Variants in ZSCAN1 observed in about 807,000 individuals in gnomAD.
The protein encoded by ZSCAN1 is zinc finger and SCAN domain containing 1.
ZSCAN1 carries 23 observed loss-of-function variants against 23.8 expected under a neutral mutation model. That is an observed-to-expected ratio of 0.97 (90% CI 0.70 to 1.37). ZSCAN1 has a LOEUF of 1.37. Ranked by LOEUF, ZSCAN1 falls within the 40% of genes most tolerant of loss-of-function variation. ZSCAN1 has a pLI of 0.00. For missense variants in ZSCAN1, 575 were observed against 554.0 expected, an observed-to-expected ratio of 1.04 and a Z score of -0.38; for synonymous variants, 236 against 232.3, an observed-to-expected ratio of 1.02 and a Z score of -0.15.
chr19:58,034,403 G>A (rs987723781), intron 1 of ZSCAN1, among the ~76,000 whole-genome samples: 6 of 151,644 alleles, frequency 4.0e-5, no homozygotes, highest in African/African-American at 1.5e-4. Flanking sequence ...CACGCGGGGC[G>A]GGGACTGGGG....
At position 58,040,559 on chromosome 19, in the gene ZSCAN1, C is replaced by A. The variant is rs758331839; in HGVS notation, c.465+15C>A. 48 of 1,612,346 alleles carry A rather than the reference C, an allele frequency of 3.0e-5. No individual in the cohort carries two copies. The highest frequency in any genetic ancestry group is 3.4e-5 in the Non-Finnish European group (40 of 1,179,430). ...AACCATCGCAGGTGAGCCCGGGGCC[C>A]CCAGCTCCGTGCTCCTGCACCCCAG... On this transcript the variant is annotated intron_variant, in intron 4 of 5. Coordinates refer to ENST00000282326, the MANE Select transcript of ZSCAN1 (RefSeq NM_182572.4). This position sits in a 1 kb window ranked among gnomAD's most constrained non-coding sequence, Gnocchi z 5.8.
In ZSCAN1 at chr19:58,038,442, A is replaced by G. The variant is rs114134792; in HGVS notation, c.370+236A>G. 2,318 of 616,560 alleles carry G rather than the reference A, an allele frequency of 3.8e-3. 35 individuals are homozygous for G. In the African/African-American group the frequency reaches 0.039, roughly 10 times the overall value. The allele number at this position is 616,560 out of a possible 1,614,324, so 38.2% of individuals were successfully genotyped here. On this transcript the variant is annotated intron_variant, in intron 3 of 5. Coordinates refer to ENST00000282326, the MANE Select transcript of ZSCAN1 (RefSeq NM_182572.4). ...GTGATTAAAGATCCCTCCATTTCCC[A>G]TGCGTCCATCTGTCCTGTGGCTTTG...
At position 58,040,914 on chromosome 19, in the gene ZSCAN1, CG is replaced by C. The variant is rs1176935526; in HGVS notation, c.465+373del. Among the ~76,000 whole-genome samples the C allele has an allele frequency of 2.0e-5, 3 of 152,152 alleles. No individual in the cohort carries two copies. The East Asian group carries it at 5.8e-4, about 29-fold the overall frequency. On this transcript the variant is annotated intron_variant, in intron 4 of 5. Transcript: ENST00000282326. The surrounding 1 kb of genome is among the most constrained non-coding windows in gnomAD (Gnocchi z 5.8). ...CCCTCAGTGAACCCAGGATTCTGGG[CG>C]GGCCCAGAAGGAAATGCTGAGGGCT...
intron 4 of ZSCAN1, among the ~76,000 whole-genome samples, chr19:58,041,545 TC>T (rs1436031186): frequency 6.6e-6 from 1 of 152,202 alleles, no homozygotes; most frequent in Admixed American, 6.5e-5. Context: ...CATGTGTGTC[TC>T]CCACTGGCTT....
At chr19:58,050,054 A>G (rs1430442315) in intron 4 of ZSCAN1, among the ~76,000 whole-genome samples, 1 of 140,402 alleles carries the variant, frequency 7.1e-6, no homozygotes, top group Non-Finnish European at 1.6e-5. Context: ...GGTATCTCCT[A>G]CTCCACCATC....
At position 58,037,781 on chromosome 19, in the gene ZSCAN1, TGGGACTCGGGATCCA is replaced by T. The variant is rs2073748602; in HGVS notation, c.-54_-40del. The T allele has an allele frequency of 2.0e-5, 29 of 1,432,106 alleles. No individual in the cohort carries two copies. The East Asian group carries it at 7.3e-4, about 36-fold the overall frequency. The allele number at this position is 1,432,106 out of a possible 1,614,324, so 88.7% of individuals were successfully genotyped here. A position where few individuals can be genotyped will look rare whatever the true frequency, so the allele number is the denominator to read the frequency against. ...CCACACCGGCTCTGTCCGGAGCCACTGGGACTCGGGATCCAGTCCACACACACCCCTCAGAGGGGC... is the reference window on the plus strand; with the variant it reads ...CCACACCGGCTCTGTCCGGAGCCACTGTCCACACACACCCCTCAGAGGGGC... On this transcript the variant is annotated 5_prime_UTR_variant, in exon 3 of 6. Coordinates refer to ENST00000282326, the MANE Select transcript of ZSCAN1 (RefSeq NM_182572.4).
At chr19:58,041,013 C>G (rs888919464) in intron 4 of ZSCAN1, among the ~76,000 whole-genome samples, 10 of 152,196 alleles carry the variant, frequency 6.6e-5, no homozygotes, top group Non-Finnish European at 1.5e-4. Flanking sequence ...GGGAGCCAAG[C>G]GGATCTCTGT....
At position 58,037,988 on chromosome 19, in the gene ZSCAN1, G is replaced by C. The variant is rs2073751763; in HGVS notation, c.152G>C (p.Gly51Ala). 1 of 1,608,384 alleles carries C rather than the reference G, an allele frequency of 6.2e-7. No individual in the cohort carries two copies. Among genetic ancestry groups the C allele is most frequent in the African/African-American group, 1.3e-5 (1 of 74,900 alleles). Residue 51 changes from glycine to alanine, a missense_variant, in exon 3 of 6, where the codon GGG becomes GCG. Gly to Ala is a moderately conservative substitution (Grantham distance 60). Transcript: ENST00000282326. ...FRQFQYHVASGPHLALGQLWT... is the reference protein window; with the variant it reads ...FRQFQYHVASAPHLALGQLWT... ...CAGTTCCAGTACCACGTGGCGAGCG[G>C]GCCGCACCTCGCGCTGGGCCAGCTC...
At position 58,039,770 on chromosome 19, in the gene ZSCAN1, C is replaced by CAA. The variant is rs67254346; in HGVS notation, c.371-659_371-658dup. On this transcript the variant is annotated intron_variant, in intron 3 of 5. Transcript: ENST00000282326. ...TGGGCGACAGAGCGAGACTCCGTCT[C>CAA]AAAAAAAAAAAAAAAAAAAAAAGGA... 3.3e-3 allele frequency among the ~76,000 whole-genome samples: 274 copies of CAA among 82,982 alleles called. 3 individuals carry two copies. The highest frequency in any genetic ancestry group is 4.0e-3 in the Non-Finnish European group (168 of 41,654). The allele number at this position is 82,982 out of a possible 152,430, so 54.4% of individuals were successfully genotyped here. A position where few individuals can be genotyped will look rare whatever the true frequency, so the allele number is the denominator to read the frequency against.
intron 1 of ZSCAN1, 32 bp from the exon 2 acceptor site, chr19:58,035,937 CT>C (rs1301454977): frequency 1.2e-5 from 1 of 81,660 alleles, no homozygotes; most frequent in Non-Finnish European, 3.0e-5. Context: ...CTAAAGATGT[CT>C]TGTTTTGTTT....
At chr19:58,046,309 T>C (rs112146075) in intron 4 of ZSCAN1, 8 of 857,166 alleles carry the variant, frequency 9.3e-6, no homozygotes, top group African/African-American at 4.9e-5. Context: ...CAGCGAGGAC[T>C]TGCAGGAGCT....
chr19:58,051,702 G>A (rs1206124926), intron 4 of ZSCAN1, among the ~76,000 whole-genome samples: 4 of 152,214 alleles, frequency 2.6e-5, no homozygotes, highest in African/African-American at 9.7e-5. Flanking sequence ...GATTTGCATT[G>A]ATAAGTGTCA....
chr19:58,040,016 G>A lies in ZSCAN1; in HGVS notation c.371-434G>A, dbSNP rs540252537. 2.0e-5 allele frequency among the ~76,000 whole-genome samples: 3 copies of A among 152,130 alleles called. No homozygotes were observed. The highest frequency in any genetic ancestry group is 4.8e-5 in the African/African-American group (2 of 41,432). The stretch of plus-strand genomic sequence containing the variant: ...CCCAAAGTGCTGGGATTACTGGTGT[G>A]AGCCACCACGCCTGGCCTGGTTCCC... On this transcript the variant is annotated intron_variant, in intron 3 of 5. Transcript: ENST00000282326. This position sits in a 1 kb window ranked among gnomAD's most constrained non-coding sequence, Gnocchi z 5.8.
At position 58,040,444 on chromosome 19, in the gene ZSCAN1, G is replaced by A. The variant is rs200020953; in HGVS notation, c.371-6G>A. 3,664 of 1,613,288 alleles carry A rather than the reference G, an allele frequency of 2.3e-3. 19 individuals are homozygous for A. The highest frequency in any genetic ancestry group is 1.7e-3 in the Non-Finnish European group (2,052 of 1,179,782). ...GCCCCTCTCACGATCCCTTTCTCCC[G>A]CACAGTTCTGGTATCTCTGGACTCG... On this transcript the variant is annotated splice_region_variant and splice_polypyrimidine_tract_variant and intron_variant, in intron 3 of 5. Transcript: ENST00000282326. The surrounding 1 kb of genome is among the most constrained non-coding windows in gnomAD (Gnocchi z 5.8).
rs1307909915 is a variant in ZSCAN1, at chr19:58,037,671, C to T, written c.-109-57C>T. ...AGGAAGTAAGGAGCCGAGGGGCATC[C>T]TGAGTACAGAGGGCCACCATCTGAT... On this transcript the variant is annotated intron_variant, in intron 2 of 5. Transcript: ENST00000282326. 5 of 873,748 alleles carry T rather than the reference C, an allele frequency of 5.7e-6. No homozygotes were observed. The East Asian group carries it at 8.7e-5, about 15-fold the overall frequency. 54.1% of individuals were successfully genotyped at this position (873,748 alleles called of 1,614,324 possible).
chr19:58,047,653 A>G lies in ZSCAN1; in HGVS notation c.466-4837A>G, dbSNP rs759090654. On this transcript the variant is annotated intron_variant, in intron 4 of 5. Coordinates refer to ENST00000282326, the MANE Select transcript of ZSCAN1 (RefSeq NM_182572.4). This position sits in a 1 kb window ranked among gnomAD's most constrained non-coding sequence, Gnocchi z 4.9. ...CATTTGGGGTTCTTTGTAGCTTCTA[A>G]TGTGAGGTTTGAGTCCAGTGCACCC... is the stretch of plus-strand genomic sequence containing the variant. Among the ~76,000 whole-genome samples, 1 of 152,144 alleles carries G rather than the reference A, an allele frequency of 6.6e-6. No homozygotes were observed. The highest frequency in any genetic ancestry group is 1.5e-5 in the Non-Finnish European group (1 of 68,020).
At chr19:58,056,122 C>G (rs775859032), downstream of ZSCAN1, among the ~76,000 whole-genome samples, 3 of 152,224 alleles carry the variant, frequency 2.0e-5, no homozygotes, top group Non-Finnish European at 4.4e-5. Context: ...ATGCCTGCAG[C>G]TGCCTCTAAG....
At position 58,038,039 on chromosome 19, in the gene ZSCAN1, G is replaced by A; in HGVS notation, c.203G>A (p.Arg68Lys). 3.1e-6 allele frequency: 5 copies of A among 1,611,772 alleles called. No individual in the cohort carries two copies. Among genetic ancestry groups the A allele is most frequent in the Non-Finnish European group, 4.2e-6 (5 of 1,179,720 alleles). ...QLWTLCRQWL[R>K]PEARSKEQML... is the part of the protein sequence containing the mutation. ...TGGACGCTGTGCCGCCAGTGGCTGA[G>A]GCCCGAGGCGCGCTCCAAGGAGCAG... is the stretch of plus-strand genomic sequence containing the variant. Residue 68 changes from arginine to lysine, a missense_variant, in exon 3 of 6, where the codon AGG becomes AAG. By Grantham distance (26) the Arg-to-Lys change is conservative. Transcript: ENST00000282326.
chr19:58,041,376 G>A lies in ZSCAN1; in HGVS notation c.465+832G>A, dbSNP rs764592725. On this transcript the variant is annotated intron_variant, in intron 4 of 5. Coordinates refer to ENST00000282326, the MANE Select transcript of ZSCAN1 (RefSeq NM_182572.4). ...TGTCTAGGTGCCACGTGAAGCACAC[G>A]CCTGAGCAGAACAAAGGGGCACACA... Among the ~76,000 whole-genome samples the A allele has an allele frequency of 9.8e-5, 15 of 152,328 alleles. 1 individual carries two copies. The highest frequency in any genetic ancestry group is 8.5e-4 in the Admixed American group (13 of 15,308).
Sources: gnomAD v4.1 joint callset for allele counts (sites outside exome capture counted in the v4.1 genomes callset) on GRCh38, gnomAD v4.1.1 for gene constraint, Gnocchi (gnomAD v3.1) non-coding constraint, MANE v1.5 for transcripts, NCBI Gene and HGNC (gene_info 2026-07-23, HGNC 2026-07-21) for gene names.